RAB25: variants seen among roughly 807,000 people sequenced by gnomAD.
The protein encoded by RAB25 is ras-related protein Rab-25.
A neutral mutation model predicts 25.2 loss-of-function variants in RAB25; 23 were observed. The ratio of observed to expected loss-of-function variants is 0.91; its 90% confidence interval spans 0.66 to 1.29. The LOEUF is 1.29. Among genes scored for constraint, RAB25 ranks in the 50% most tolerant of loss-of-function variants. RAB25 has a pLI of 0.00. For synonymous variants in RAB25, 102 were observed against 111.5 expected, an observed-to-expected ratio of 0.91 and a Z score of 0.54; for missense variants, 244 against 277.3, an observed-to-expected ratio of 0.88 and a Z score of 0.85.
chr1:156,062,973 G>C (rs1459145148), intron 1 of RAB25, among the ~76,000 whole-genome samples: 1 of 146,248 alleles, frequency 6.8e-6, no homozygotes, highest in Non-Finnish European at 1.5e-5. Flanking sequence ...AGAATCACTT[G>C]AACCCAGGAA....
intron 3 of RAB25, 142 bp from the exon 4 acceptor site, chr1:156,069,529 C>T (rs1647844508): frequency 2.9e-6 from 2 of 691,768 alleles, no homozygotes; most frequent in Non-Finnish European, 5.0e-6. Flanking sequence ...AATGAACCTA[C>T]CTTGTAAGTT....
chr1:156,061,718 ACCCAAATC>A (rs1647585881), intron 1 of RAB25, among the ~76,000 whole-genome samples: 1 of 152,054 alleles, frequency 6.6e-6, no homozygotes, highest in African/African-American at 2.4e-5. Context: ...CCTAATAGAA[ACCCAAATC>A]CCTGGTGTCA....
chr1:156,062,267 C>T (rs1647609502), intron 1 of RAB25, among the ~76,000 whole-genome samples: 1 of 152,136 alleles, frequency 6.6e-6, no homozygotes, highest in African/African-American at 2.4e-5. Context: ...CCAGAGGACT[C>T]CTAGGGTTGT....
chr1:156,068,287 T>G lies in RAB25; in HGVS notation c.257T>G (p.Val86Gly). Residue 86 changes from valine to glycine, a missense_variant, in exon 3 of 5, where the codon GTG (valine) becomes GGG (glycine). Val to Gly is a moderately radical substitution (Grantham distance 109). Transcript: ENST00000361084. ...CCACCCAGGTACTATCGTGGTGCAG[T>G]GGGGGCCCTCCTGGTGTTTGACCTA... ...AITSAYYRGA[V>G]GALLVFDLTK... 1 of 1,613,098 alleles carries G rather than the reference T, an allele frequency of 6.2e-7. No homozygotes were observed. Among genetic ancestry groups the G allele is most frequent in the Non-Finnish European group, 8.5e-7 (1 of 1,179,150 alleles).
At chr1:156,069,620 T>A (rs1353415509) in intron 3 of RAB25, 51 bp from the exon 4 acceptor site, 1 of 1,320,460 alleles carries the variant, frequency 7.6e-7, no homozygotes, top group South Asian at 1.2e-5. Flanking sequence ...ATATTATTAT[T>A]ATTATTGCCT....
At position 156,065,004 on chromosome 1, in the gene RAB25, G is replaced by A. The variant is rs537593308; in HGVS notation, c.44-907G>A. On this transcript the variant is annotated intron_variant, in intron 1 of 4. Transcript: ENST00000361084. ...CCCAGCCCCCAGCTCATCCACATGG[G>A]TAAGACTGGGCCCTGGATGCTGCCC... Among the ~76,000 whole-genome samples, 8 of 152,272 alleles carry A rather than the reference G, an allele frequency of 5.3e-5. No individual in the cohort carries two copies. In the South Asian group the frequency reaches 1.5e-3, roughly 28 times the overall value.
chr1:156,061,552 G>A, intron 1 of RAB25, 109 bp downstream of exon 1: 1 of 1,163,216 alleles, frequency 8.6e-7, no homozygotes, highest in Non-Finnish European at 1.3e-6. Context: ...AAGACCTCCT[G>A]GGGCTCCTCA....
chr1:156,066,737 G>A (rs912233572), intron 2 of RAB25, among the ~76,000 whole-genome samples: 13 of 151,906 alleles, frequency 8.6e-5, no homozygotes, highest in Non-Finnish European at 1.8e-4. Context: ...TCATGAATTC[G>A]AGACCAGCCT....
chr1:156,069,809 CA>C, intron 4 of RAB25, 58 bp downstream of exon 4: 1 of 1,431,310 alleles, frequency 7.0e-7, no homozygotes, highest in Non-Finnish European at 9.9e-7. Context: ...CTACAGGCAG[CA>C]GTAGGAATGC....
chr1:156,061,554 G>T (rs1647582021), intron 1 of RAB25, 111 bp downstream of exon 1: 1 of 1,145,380 alleles, frequency 8.7e-7, no homozygotes, highest in Non-Finnish European at 1.3e-6. Context: ...GACCTCCTGG[G>T]GCTCCTCATT....
At chr1:156,062,913 G>A (rs1252110664) in intron 1 of RAB25, among the ~76,000 whole-genome samples, 1 of 151,890 alleles carries the variant, frequency 6.6e-6, no homozygotes, top group Non-Finnish European at 1.5e-5. Context: ...AATTATCTGG[G>A]TGTGGTGGCA....
intron 1 of RAB25, 43 bp from the exon 2 acceptor site, chr1:156,065,868 C>T (rs1189133622): frequency 3.5e-6 from 5 of 1,442,228 alleles, no homozygotes; most frequent in Non-Finnish European, 4.7e-6. Context: ...GGGGTTGGAG[C>T]TGCTCTACCC....
chr1:156,069,810 A>T (rs1176804573), intron 4 of RAB25, 59 bp downstream of exon 4: 2 of 1,429,122 alleles, frequency 1.4e-6, no homozygotes, highest in East Asian at 4.6e-5. Flanking sequence ...TACAGGCAGC[A>T]GTAGGAATGC....
chr1:156,066,106 C>T lies in RAB25; in HGVS notation c.239C>T (p.Ala80Val), dbSNP rs1420810222. ...GLERYRAITS[A>V]YYRGAVGALL... is the part of the protein sequence containing the mutation. ...GAGCGGTACCGAGCCATCACCTCGG[C>T]GTGAGCCCGGGCCTGGGGGGCTGCT... The change falls in exon 2 of 5, where the codon GCG becomes GTG. Residue 80 changes from alanine to valine, a missense_variant and splice_region_variant. Physicochemically the swap from Ala to Val is moderately conservative, Grantham distance 64. Coordinates refer to ENST00000361084, the MANE Select transcript of RAB25 (RefSeq NM_020387.4). 40 of 1,567,194 alleles carry T rather than the reference C, an allele frequency of 2.6e-5. No homozygotes were observed. Among genetic ancestry groups the T allele is most frequent in the Non-Finnish European group, 3.2e-5 (37 of 1,150,144 alleles).
Position 156,070,202 on chromosome 1 carries a change from G to A in RAB25, c.557G>A (p.Arg186Gln), listed in dbSNP as rs61995861. The change falls in exon 5 of 5, where the codon CGG becomes CAG. Residue 186 changes from arginine (R) to glutamine (Q), a missense_variant. By Grantham distance (43) the Arg-to-Gln change is conservative. Coordinates refer to ENST00000361084, the MANE Select transcript of RAB25 (RefSeq NM_020387.4). ...KVSKQRQNSI[R>Q]TNAITLGSAQ... is the part of the protein sequence containing the mutation. ...TCCAAGCAGAGACAGAACAGCATCCGGACCAATGCCATCACTCTGGGCAGT... is the reference window on the plus strand; with the variant it reads ...TCCAAGCAGAGACAGAACAGCATCCAGACCAATGCCATCACTCTGGGCAGT... 2.0e-4 allele frequency: 328 copies of A among 1,614,018 alleles called. No individual in the cohort carries two copies. The African/African-American group carries it at 3.8e-3, about 19-fold the overall frequency.
At chr1:156,066,134 G>C in intron 2 of RAB25, 28 bp downstream of exon 2, 1 of 1,507,126 alleles carries the variant, frequency 6.6e-7, no homozygotes, top group Non-Finnish European at 8.9e-7. Flanking sequence ...GGGCTGCTGG[G>C]TGGTGGGAGT....
chr1:156,070,461 C>T lies in RAB25; in HGVS notation c.*174C>T, dbSNP rs952363479. On this transcript the variant is annotated 3_prime_UTR_variant, in exon 5 of 5. Coordinates refer to ENST00000361084, the MANE Select transcript of RAB25 (RefSeq NM_020387.4). ...CACAAATACCTCTTTTATCTGTCCA[C>T]CCCTCACAGACTAGGACCCTCAAAT... 1.1e-5 allele frequency: 9 copies of T among 816,540 alleles called. No homozygotes were observed. The African/African-American group carries it at 1.6e-4, about 14-fold the overall frequency. 50.6% of individuals were successfully genotyped at this position (816,540 alleles called of 1,614,324 possible).
chr1:156,062,279 G>A (rs1389766267), intron 1 of RAB25, among the ~76,000 whole-genome samples: 2 of 152,286 alleles, frequency 1.3e-5, no homozygotes, highest in South Asian at 2.1e-4. Flanking sequence ...TAGGGTTGTA[G>A]CCTCGTCTGC....
At position 156,070,414 on chromosome 1, in the gene RAB25, T is replaced by C. The variant is rs527735830; in HGVS notation, c.*127T>C. On this transcript the variant is annotated 3_prime_UTR_variant, in exon 5 of 5. Coordinates refer to ENST00000361084, the MANE Select transcript of RAB25 (RefSeq NM_020387.4). ...TTCCCTGTTCACAGCACCCTCAGGG[T>C]CTTAAGGTCTTCATGCCCTATCACA... 10 of 1,245,908 alleles carry C rather than the reference T, an allele frequency of 8.0e-6. No individual in the cohort carries two copies. The highest frequency in any genetic ancestry group is 1.0e-5 in the Non-Finnish European group (9 of 903,292). The allele number at this position is 1,245,908 out of a possible 1,614,324, so 77.2% of individuals were successfully genotyped here. A position where few individuals can be genotyped will look rare whatever the true frequency, so the allele number is the denominator to read the frequency against.
Sources: allele counts gnomAD v4.1 joint callset (sites outside exome capture counted in the v4.1 genomes callset), GRCh38; gene constraint gnomAD v4.1.1; transcripts MANE v1.5; gene names NCBI Gene and HGNC (gene_info 2026-07-23, HGNC 2026-07-21).